Variants in CHST3 observed in about 807,000 individuals in gnomAD.
CHST3 encodes carbohydrate sulfotransferase 3.
In CHST3, 20 loss-of-function variants were observed where a neutral mutation model predicts 35.4. The observed-to-expected ratio is 0.57, with a 90% CI of 0.40 to 0.82. The LOEUF is 0.82. Ranked by LOEUF, CHST3 falls within the 40% of genes least tolerant of loss-of-function variation. The pLI is 0.00. For missense variants in CHST3, 693 were observed against 670.1 expected, an observed-to-expected ratio of 1.03 and a Z score of -0.38; for synonymous variants, 334 against 295.9, an observed-to-expected ratio of 1.13 and a Z score of -1.32.
At chr10:71,979,102 C>T (rs1429961659) in intron 1 of CHST3, among the ~76,000 whole-genome samples, 2 of 152,162 alleles carry the variant, frequency 1.3e-5, no homozygotes, top group Non-Finnish European at 2.9e-5. Context: ...CGTGTTACCT[C>T]TAATACAAGG....
At chr10:72,006,750 C>T (rs1189776454) in intron 2 of CHST3, among the ~76,000 whole-genome samples, 6 of 149,896 alleles carry the variant, frequency 4.0e-5, no homozygotes, top group Admixed American at 3.3e-4. Context: ...CACCGTCAAT[C>T]CCCCCCCTTG....
chr10:71,972,410 C>T (rs755452003), intron 1 of CHST3, among the ~76,000 whole-genome samples: 13 of 152,210 alleles, frequency 8.5e-5, no homozygotes, highest in Non-Finnish European at 1.5e-4. Context: ...ATTGTGGGCA[C>T]TACCAGTGAG....
chr10:71,980,405 T>C (rs2131745059), intron 1 of CHST3, among the ~76,000 whole-genome samples: 1 of 152,286 alleles, frequency 6.6e-6, no homozygotes. Flanking sequence ...ATCATTATGA[T>C]ACAGAGGCAT....
chr10:71,981,543 C>G (rs1839801621), intron 1 of CHST3, among the ~76,000 whole-genome samples: 1 of 152,200 alleles, frequency 6.6e-6, no homozygotes, highest in Non-Finnish European at 1.5e-5. Flanking sequence ...AGAAAGGACT[C>G]CAGCCCCCCC....
chr10:71,999,994 T>C (rs576491001), intron 1 of CHST3, among the ~76,000 whole-genome samples: 32 of 152,324 alleles, frequency 2.1e-4, no homozygotes, highest in African/African-American at 7.5e-4. Flanking sequence ...TTCAAGAGAC[T>C]AAAGTTATGT....
Position 72,008,402 on chromosome 10 carries a change from G to T in CHST3, c.1371G>T (p.Arg457=). 6.4e-7 allele frequency: 1 copy of T among 1,571,412 alleles called. No homozygotes were observed. The change falls in exon 3 of 3, where the codon CGG becomes CGT. Residue 457 remains arginine (R), a synonymous_variant. Coordinates refer to ENST00000373115, the MANE Select transcript of CHST3 (RefSeq NM_004273.5). ...GCCTCTTCGGCTACAAACTGGCGCG[G>T]GACGCCGCCGCCCTCACCAACCGCT... is the stretch of plus-strand genomic sequence containing the variant. ...AMRLFGYKLA[R]DAAALTNRSV... is the part of the protein sequence containing the mutation.
rs1304943719 is a variant in CHST3 at position 71,964,458 on chromosome 10, A to C, written c.-344A>C. On this transcript the variant is annotated 5_prime_UTR_variant, in exon 1 of 3. Coordinates refer to ENST00000373115, the MANE Select transcript of CHST3 (RefSeq NM_004273.5). ...AGGACCTCTCGCAGGCTCGCTGCGC[A>C]GGACGGCGCCCGCCTGGCGCCGCTT... 1 of 152,122 alleles carries C rather than the reference A, an allele frequency of 6.6e-6. No individual in the cohort carries two copies. Among genetic ancestry groups the C allele is most frequent in the Non-Finnish European group, 1.5e-5 (1 of 68,008 alleles). The allele number at this position is 152,122 out of a possible 1,614,324, so 9.4% of individuals were successfully genotyped here. A position where few individuals can be genotyped will look rare whatever the true frequency, so the allele number is the denominator to read the frequency against.
Position 72,005,910 on chromosome 10 carries a change from A to C in CHST3, c.68A>C (p.Lys23Thr). The C allele has an allele frequency of 6.2e-7, 1 of 1,614,244 alleles. No individual in the cohort carries two copies. Among genetic ancestry groups the C allele is most frequent in the Non-Finnish European group, 8.5e-7 (1 of 1,180,046 alleles). Residue 23 changes from lysine (K) to threonine (T), a missense_variant, in exon 2 of 3, where the codon AAA becomes ACA. Physicochemically the swap from Lys to Thr is moderately conservative, Grantham distance 78 (BLOSUM62 -1). Coordinates refer to ENST00000373115, the MANE Select transcript of CHST3 (RefSeq NM_004273.5). ...DFVHSLKMRS[K>T]YALFLVFVVI... ...GTGCACAGCCTGAAGATGAGAAGCAAATACGCCCTTTTCTTGGTTTTTGTG... is the reference window on the plus strand; with the variant it reads ...GTGCACAGCCTGAAGATGAGAAGCACATACGCCCTTTTCTTGGTTTTTGTG...
At chr10:71,989,334 C>T (rs1839876859) in intron 1 of CHST3, among the ~76,000 whole-genome samples, 1 of 152,054 alleles carries the variant, frequency 6.6e-6, no homozygotes, top group African/African-American at 2.4e-5. Flanking sequence ...GTGATCCCAG[C>T]TATTTGGGAG....
At chr10:71,997,362 C>T (rs1466230496) in intron 1 of CHST3, among the ~76,000 whole-genome samples, 2 of 152,138 alleles carry the variant, frequency 1.3e-5, no homozygotes, top group Non-Finnish European at 2.9e-5. Context: ...TGGGAGCATC[C>T]GTGTGGAAGA....
At chr10:71,996,901 GGTTT>G (rs1340245158) in intron 1 of CHST3, among the ~76,000 whole-genome samples, 2 of 151,962 alleles carry the variant, frequency 1.3e-5, no homozygotes, top group East Asian at 1.9e-4. Context: ...TGGGTTGGTT[GGTTT>G]GTTTTGTTTT....
chr10:71,984,163 C>T (rs1245213336), intron 1 of CHST3, among the ~76,000 whole-genome samples: 1 of 152,210 alleles, frequency 6.6e-6, no homozygotes, highest in Non-Finnish European at 1.5e-5. Context: ...GCTGGGATTA[C>T]AGGCATGCGC....
At chr10:71,996,743 C>G (rs1204960082) in intron 1 of CHST3, among the ~76,000 whole-genome samples, 1 of 152,110 alleles carries the variant, frequency 6.6e-6, no homozygotes, top group South Asian at 2.1e-4. Context: ...ATTTGCTTCA[C>G]AAACATTCAT....
rs532844228 is a variant in CHST3, at chr10:71,990,314, C to T, written c.-107-15422C>T. Among the ~76,000 whole-genome samples the T allele has an allele frequency of 3.3e-5, 5 of 152,124 alleles. No homozygotes were observed. The East Asian group carries it at 7.7e-4, about 23-fold the overall frequency. On this transcript the variant is annotated intron_variant, in intron 1 of 2. Coordinates refer to ENST00000373115, the MANE Select transcript of CHST3 (RefSeq NM_004273.5). ...CTTCCAAGATGGCACCTACCTGTGG[C>T]GTCCTTACCTGGTGGAAGGAGCAGA... is the stretch of plus-strand genomic sequence containing the variant.
chr10:71,993,156 ATTC>A (rs954469989), intron 1 of CHST3, among the ~76,000 whole-genome samples: 2 of 152,102 alleles, frequency 1.3e-5, no homozygotes, highest in African/African-American at 4.8e-5. Flanking sequence ...GAACAAGGCA[ATTC>A]TTCTTCCAGT....
In CHST3 at chr10:72,009,928, C is replaced by A. The variant is rs1349714479; in HGVS notation, c.*1457C>A. The stretch of plus-strand genomic sequence containing the variant: ...GAGGCTGGGGAAAACCAGCAGGGAG[C>A]ACTTGGCTCCTGGCAGAGGGAGAGG... On this transcript the variant is annotated 3_prime_UTR_variant, in exon 3 of 3. Coordinates refer to ENST00000373115, the MANE Select transcript of CHST3 (RefSeq NM_004273.5). 3.9e-5 allele frequency: 6 copies of A among 152,970 alleles called. No homozygotes were observed. The Admixed American group carries it at 3.9e-4, about 10-fold the overall frequency. The allele number at this position is 152,970 out of a possible 1,614,324, so 9.5% of individuals were successfully genotyped here.
rs929289924 is a variant in CHST3 at position 72,011,132 on chromosome 10, G to A, written c.*2661G>A. The A allele has an allele frequency of 2.6e-5, 4 of 152,186 alleles. No homozygotes were observed. The highest frequency in any genetic ancestry group is 2.1e-4 in the South Asian group (1 of 4,822). 9.4% of individuals were successfully genotyped at this position (152,186 alleles called of 1,614,324 possible). A position where few individuals can be genotyped will look rare whatever the true frequency, so the allele number is the denominator to read the frequency against. On this transcript the variant is annotated 3_prime_UTR_variant, in exon 3 of 3. Coordinates refer to ENST00000373115, the MANE Select transcript of CHST3 (RefSeq NM_004273.5). ...ACAATAGAAACCATTCACACACTCC[G>A]TTCATGCATGGACACCAGAAGACGA...
chr10:71,993,274 G>A (rs1368252611), intron 1 of CHST3, among the ~76,000 whole-genome samples: 1 of 152,130 alleles, frequency 6.6e-6, no homozygotes, highest in Non-Finnish European at 1.5e-5. Flanking sequence ...CCACTTTCTT[G>A]ACTCATACAT....
At position 72,005,942 on chromosome 10, in the gene CHST3, G is replaced by A. The variant is rs752248101; in HGVS notation, c.100G>A (p.Val34Ile). 58 of 1,592,416 alleles carry A rather than the reference G, an allele frequency of 3.6e-5. 1 individual carries two copies. The South Asian group carries it at 6.1e-4, about 17-fold the overall frequency. ...YALFLVFVVI[V>I]FVFIEKENKI... ...CCTTTTCTTGGTTTTTGTGGTGATAGTTTTTGTCTTCATCGAAAAGGAAAA... is the reference window on the plus strand; with the variant it reads ...CCTTTTCTTGGTTTTTGTGGTGATAATTTTTGTCTTCATCGAAAAGGAAAA... Residue 34 changes from valine (V) to isoleucine (I), a missense_variant, in exon 2 of 3, where the codon GTT (valine) becomes ATT (isoleucine). Physicochemically the swap from Val to Ile is conservative, Grantham distance 29 (BLOSUM62 3). Coordinates refer to ENST00000373115, the MANE Select transcript of CHST3 (RefSeq NM_004273.5).
Sources: gnomAD v4.1 joint callset for allele counts (sites outside exome capture counted in the v4.1 genomes callset) on GRCh38, gnomAD v4.1.1 for gene constraint, MANE v1.5 for transcripts, NCBI Gene and HGNC (gene_info 2026-07-23, HGNC 2026-07-21) for gene names.